Variants in CCDC6 observed in about 807,000 individuals in gnomAD.
The protein encoded by CCDC6 is coiled-coil domain containing 6.
A neutral mutation model predicts 56.6 loss-of-function variants in CCDC6; 20 were observed. That is an observed-to-expected ratio of 0.35 (90% CI 0.25 to 0.51). The LOEUF (loss-of-function observed/expected upper bound fraction) is 0.51, where lower values mean the gene tolerates loss of function less well. Ranked by LOEUF, CCDC6 falls within the 20% of genes least tolerant of loss-of-function variation. CCDC6 has a pLI of 0.95. For missense variants in CCDC6, 367 were observed against 601.1 expected (o/e 0.61, Z 4.07); for synonymous variants, 241 against 234.4 (o/e 1.03, Z -0.26).
chr10:59,901,071 C>T (rs1046455775), intron 1 of CCDC6, among the ~76,000 whole-genome samples: 10 of 151,996 alleles, frequency 6.6e-5, no homozygotes, highest in Non-Finnish European at 1.2e-4. Flanking sequence ...AAAAAACAAA[C>T]GGTTTTTAAA....
In CCDC6 at chr10:59,833,644, G is replaced by C. The variant is rs541079702; in HGVS notation, c.454-991C>G. ...TATTTTTATAACACTCTCAACTGGG[G>C]GGGGGGGGGGTTTGTTGATCCACAG... On this transcript the variant is annotated intron_variant, in intron 2 of 8. Coordinates refer to ENST00000263102, the MANE Select transcript of CCDC6 (RefSeq NM_005436.5). Among the ~76,000 whole-genome samples, 28 of 102,996 alleles carry C rather than the reference G, an allele frequency of 2.7e-4. 1 individual carries two copies. Among genetic ancestry groups the C allele is most frequent in the Non-Finnish European group, 2.2e-4 (12 of 54,420 alleles). 67.6% of individuals were successfully genotyped at this position (102,996 alleles called of 152,430 possible).
rs1485595243 is a variant in CCDC6, at chr10:59,862,514, TATACACACACAC to T, written c.304-9824_304-9813del. On this transcript the variant is annotated intron_variant, in intron 1 of 8. Transcript: ENST00000263102. The stretch of plus-strand genomic sequence containing the variant: ...AGAAAAAAAAAAGTATATATATATA[TATACACACACAC>T]ACACACACACACACACACACACACA... 1.1e-3 allele frequency among the ~76,000 whole-genome samples: 82 copies of T among 73,062 alleles called. 1 individual carries two copies. Among genetic ancestry groups the T allele is most frequent in the Admixed American group, 2.9e-3 (24 of 8,322 alleles). 47.9% of individuals were successfully genotyped at this position (73,062 alleles called of 152,430 possible). A position where few individuals can be genotyped will look rare whatever the true frequency, so the allele number is the denominator to read the frequency against.
chr10:59,797,343 A>G (rs1294650676), intron 7 of CCDC6, among the ~76,000 whole-genome samples: 1 of 152,060 alleles, frequency 6.6e-6, no homozygotes, highest in Non-Finnish European at 1.5e-5. Flanking sequence ...ATTCTTAAAA[A>G]TAAGAGGATA....
In CCDC6 at chr10:59,790,210, TAGC is replaced by T. The variant is rs945788054; in HGVS notation, c.*2704_*2706del. The stretch of plus-strand genomic sequence containing the variant: ...TCTGGCAACAGAGTACTTATCCTAT[TAGC>T]AGCACAGTGGTAGCCAAGGGTCTCT... On this transcript the variant is annotated 3_prime_UTR_variant, in exon 9 of 9. Transcript: ENST00000263102. 9.2e-6 allele frequency: 2 copies of T among 216,876 alleles called. No homozygotes were observed. The highest frequency in any genetic ancestry group is 4.5e-5 in the African/African-American group (2 of 44,386). 13.4% of individuals were successfully genotyped at this position (216,876 alleles called of 1,614,324 possible).
chr10:59,881,397 G>A (rs2071333852), intron 1 of CCDC6, among the ~76,000 whole-genome samples: 1 of 152,074 alleles, frequency 6.6e-6, no homozygotes, highest in Non-Finnish European at 1.5e-5. Context: ...GCTTCACATG[G>A]GGGAAATTCC....
rs1400048011 is a variant in CCDC6 at position 59,789,548 on chromosome 10, T to C, written c.*3369A>G. 1 of 233,016 alleles carries C rather than the reference T, an allele frequency of 4.3e-6. No homozygotes were observed. The highest frequency in any genetic ancestry group is 2.2e-5 in the African/African-American group (1 of 45,316). The allele number at this position is 233,016 out of a possible 1,614,324, so 14.4% of individuals were successfully genotyped here. A position where few individuals can be genotyped will look rare whatever the true frequency, so the allele number is the denominator to read the frequency against. ...CAATGGCTCTTGAGCATGGAACTCA[T>C]GTAGCAGCATCAATGGCTGGCTCTT... is the stretch of plus-strand genomic sequence containing the variant. On this transcript the variant is annotated 3_prime_UTR_variant, in exon 9 of 9. Transcript: ENST00000263102.
In CCDC6 at chr10:59,807,098, A is replaced by C; in HGVS notation, c.848-20T>G. ...CTGAATCTGAAAAGTCAGAGTTTTC[A>C]ATTAAACCATGTTTCATGCAATCAT... is the stretch of plus-strand genomic sequence containing the variant. On this transcript the variant is annotated intron_variant, in intron 5 of 8. Transcript: ENST00000263102. 1 of 1,610,894 alleles carries C rather than the reference A, an allele frequency of 6.2e-7. No individual in the cohort carries two copies. Among genetic ancestry groups the C allele is most frequent in the Non-Finnish European group, 8.5e-7 (1 of 1,178,200 alleles).
chr10:59,806,877 T>C, intron 6 of CCDC6, 45 bp downstream of exon 6: 2 of 1,585,528 alleles, frequency 1.3e-6, no homozygotes, highest in Non-Finnish European at 8.6e-7. Context: ...AGAACCTGGG[T>C]TTTATTTTTT....
intron 7 of CCDC6, among the ~76,000 whole-genome samples, chr10:59,796,705 C>T (rs7916673): frequency 0.16 from 24,821 of 152,072 alleles, 2,604 homozygotes; most frequent in African/African-American, 0.29. Context: ...CGGTGGCTCA[C>T]GCCTGTAATC....
At chr10:59,829,903 A>G (rs1241741690) in intron 3 of CCDC6, among the ~76,000 whole-genome samples, 1 of 152,208 alleles carries the variant, frequency 6.6e-6, no homozygotes, top group East Asian at 1.9e-4. Flanking sequence ...GGATATGTAA[A>G]TTACATCTCA....
intron 1 of CCDC6, among the ~76,000 whole-genome samples, chr10:59,903,572 C>T (rs2071519913): frequency 1.3e-5 from 2 of 152,046 alleles, no homozygotes; most frequent in South Asian, 2.1e-4. Context: ...AAAAAGAAGG[C>T]CACAATCACC....
At chr10:59,894,447 G>A (rs1046273628) in intron 1 of CCDC6, among the ~76,000 whole-genome samples, 11 of 152,072 alleles carry the variant, frequency 7.2e-5, no homozygotes, top group East Asian at 3.9e-4. Flanking sequence ...CAGAGCCTGC[G>A]CTCTCTAACT....
intron 1 of CCDC6, among the ~76,000 whole-genome samples, chr10:59,892,525 C>T (rs776866229): frequency 2.6e-5 from 4 of 152,166 alleles, no homozygotes; most frequent in Non-Finnish European, 4.4e-5. Flanking sequence ...CAACCACCCC[C>T]GCTCAGCTTT....
intron 1 of CCDC6, among the ~76,000 whole-genome samples, chr10:59,870,857 C>T (rs150789635): frequency 1.0e-3 from 152 of 152,320 alleles, no homozygotes; most frequent in African/African-American, 3.5e-3. Context: ...TGAACAACCT[C>T]ATGGAGGAGT....
chr10:59,865,425 G>A (rs1040086014), intron 1 of CCDC6, among the ~76,000 whole-genome samples: 1 of 152,160 alleles, frequency 6.6e-6, no homozygotes, highest in African/African-American at 2.4e-5. Context: ...TCCCGGCAAG[G>A]TGCATTCCCC....
chr10:59,897,182 G>C (rs1358206888), intron 1 of CCDC6, among the ~76,000 whole-genome samples: 2 of 152,148 alleles, frequency 1.3e-5, no homozygotes, highest in Non-Finnish European at 2.9e-5. Context: ...CTCTGGTCTA[G>C]TGAAGAACTC....
At chr10:59,795,731 G>A (rs976167579) in intron 7 of CCDC6, among the ~76,000 whole-genome samples, 7 of 149,470 alleles carry the variant, frequency 4.7e-5, no homozygotes, top group East Asian at 2.0e-4. Flanking sequence ...GTGGTGTTTC[G>A]TTTTTTGTCC....
intron 2 of CCDC6, among the ~76,000 whole-genome samples, chr10:59,845,394 C>T: frequency 7.4e-6 from 1 of 134,576 alleles, no homozygotes; most frequent in Admixed American, 8.4e-5. Flanking sequence ...TCACATCTAG[C>T]CATAACCTTA....
At chr10:59,859,204 G>A (rs1208987072) in intron 1 of CCDC6, among the ~76,000 whole-genome samples, 1 of 120,426 alleles carries the variant, frequency 8.3e-6, no homozygotes, top group East Asian at 2.2e-4. Flanking sequence ...GTGTGCGTGT[G>A]TGTGTGTGTG....
Sources: allele counts gnomAD v4.1 joint callset (sites outside exome capture counted in the v4.1 genomes callset), GRCh38; gene constraint gnomAD v4.1.1; transcripts MANE v1.5; gene names NCBI Gene and HGNC (gene_info 2026-07-23, HGNC 2026-07-21).